DACH2: variants seen among roughly 807,000 people sequenced by gnomAD.
The protein encoded by DACH2 is dachshund homolog 2.
In DACH2, 17 loss-of-function variants were observed where a neutral mutation model predicts 35.8. The observed-to-expected ratio is 0.48, with a 90% confidence interval of 0.33 to 0.71. The LOEUF is 0.71. Among genes scored for constraint, DACH2 ranks in the 30% least tolerant of loss-of-function variants. The probability of loss-of-function intolerance (pLI) is 0.02; values close to 1 mark genes in which losing one functional copy is unlikely to be tolerated. For missense variants in DACH2, 469 were observed against 472.7 expected (o/e 0.99, Z 0.07); for synonymous variants, 195 against 177.3 (o/e 1.10, Z -0.79).
chrX:86,744,029 T>C (rs2041685269), intron 7 of DACH2, among the ~76,000 whole-genome samples: 1 of 111,356 alleles, frequency 9.0e-6, no homozygotes, highest in South Asian at 3.7e-4. Flanking sequence ...ACCCCATAAG[T>C]CAAAATGGCA....
At chrX:86,279,240 C>T (rs1439290179) in intron 1 of DACH2, among the ~76,000 whole-genome samples, 1 of 111,955 alleles carries the variant, frequency 8.9e-6, no homozygotes, top group Non-Finnish European at 1.9e-5. Flanking sequence ...CCCTGTGCCT[C>T]CTGACAGGGA....
intron 2 of DACH2, among the ~76,000 whole-genome samples, chrX:86,494,067 TG>T (rs141872853): frequency 1.6e-3 from 181 of 111,870 alleles, no homozygotes; most frequent in Non-Finnish European, 2.9e-3. Context: ...GTGTCCTAAA[TG>T]GAGAGAGTAC....
intron 11 of DACH2, among the ~76,000 whole-genome samples, chrX:86,822,345 G>T (rs1157541553): frequency 9.0e-6 from 1 of 111,506 alleles, no homozygotes; most frequent in Non-Finnish European, 1.9e-5. Context: ...ACCTAAAATT[G>T]GAATAGTGAA....
At chrX:86,756,312 T>C (rs1156229518) in intron 7 of DACH2, among the ~76,000 whole-genome samples, 1 of 111,374 alleles carries the variant, frequency 9.0e-6, no homozygotes, top group Non-Finnish European at 1.9e-5. Context: ...ATTGAATCTG[T>C]AGATTGCTTT....
intron 3 of DACH2, among the ~76,000 whole-genome samples, chrX:86,549,293 T>C (rs1433058732): frequency 1.8e-5 from 2 of 111,418 alleles, no homozygotes; most frequent in African/African-American, 6.5e-5. Context: ...AATAATATGA[T>C]ACATGTTTAA....
chrX:86,703,420 G>C lies in DACH2; in HGVS notation c.931+8241G>C, dbSNP rs1433941119. Among the ~76,000 whole-genome samples, 7 of 111,107 alleles carry C rather than the reference G, an allele frequency of 6.3e-5. No homozygotes were observed. In the Admixed American group the frequency reaches 6.7e-4, roughly 11 times the overall value. On this transcript the variant is annotated intron_variant, in intron 5 of 11. Coordinates refer to ENST00000373125, the MANE Select transcript of DACH2 (RefSeq NM_053281.3). ...AACATAGTATTGGAAGTCCTAGCCA[G>C]AACAATCAGGCAAGAGAAAGAAAGA...
At chrX:86,513,847 T>G (rs2038429186) in intron 2 of DACH2, among the ~76,000 whole-genome samples, 1 of 112,201 alleles carries the variant, frequency 8.9e-6, no homozygotes, top group African/African-American at 3.2e-5. Context: ...CTCTCAGCTC[T>G]TTACTATTCA....
At chrX:86,376,942 A>T in intron 2 of DACH2, 80 bp downstream of exon 2, 3 of 471,327 alleles carry the variant, frequency 6.4e-6, no homozygotes, top group East Asian at 7.8e-5. Context: ...CACTTTCATA[A>T]TCTTGTTCCC....
intron 4 of DACH2, among the ~76,000 whole-genome samples, chrX:86,664,965 C>G (rs934748697): frequency 9.0e-6 from 1 of 111,720 alleles, no homozygotes; most frequent in African/African-American, 3.3e-5. Flanking sequence ...GTAAAGATGA[C>G]AAGACCAAAG....
intron 7 of DACH2, among the ~76,000 whole-genome samples, chrX:86,805,780 T>G (rs1312163030): frequency 8.9e-6 from 1 of 111,809 alleles, no homozygotes; most frequent in Non-Finnish European, 1.9e-5. Flanking sequence ...GTTCCACAGA[T>G]CCCTAGAGCA....
At chrX:86,802,361 C>G (rs1402492981) in intron 7 of DACH2, among the ~76,000 whole-genome samples, 1 of 110,320 alleles carries the variant, frequency 9.1e-6, no homozygotes, top group South Asian at 3.9e-4. Context: ...GATGAATAAC[C>G]TGCTCCCTTC....
chrX:86,247,876 G>C (rs1255596107), intron 1 of DACH2, among the ~76,000 whole-genome samples: 1 of 111,246 alleles, frequency 9.0e-6, no homozygotes, highest in Non-Finnish European at 1.9e-5. Context: ...AGGATGCAAG[G>C]TTGGCTCAAC....
chrX:86,816,402 C>A (rs902467203), intron 11 of DACH2, among the ~76,000 whole-genome samples: 1 of 111,545 alleles, frequency 9.0e-6, no homozygotes, highest in Admixed American at 9.6e-5. Context: ...CAGGCATATT[C>A]TAAAAATGCA....
chrX:86,338,043 C>T (rs1001947906), intron 1 of DACH2, among the ~76,000 whole-genome samples: 3 of 111,806 alleles, frequency 2.7e-5, no homozygotes, highest in South Asian at 7.4e-4. Flanking sequence ...GCACCCAATA[C>T]GGGAGCACTC....
In DACH2 at chrX:86,545,092, G is replaced by A. The variant is rs748405044; in HGVS notation, c.640+30701G>A. Among the ~76,000 whole-genome samples the A allele has an allele frequency of 9.8e-5, 11 of 112,036 alleles. No homozygotes were observed. In the South Asian group the frequency reaches 1.1e-3, roughly 11 times the overall value. ...TTACAGGCATGAGCCACCATGCATCGCCTTGCATGAGTATTTTCATTGCAG... is the reference window on the plus strand; with the variant it reads ...TTACAGGCATGAGCCACCATGCATCACCTTGCATGAGTATTTTCATTGCAG... On this transcript the variant is annotated intron_variant, in intron 3 of 11. Coordinates refer to ENST00000373125, the MANE Select transcript of DACH2 (RefSeq NM_053281.3).
At chrX:86,620,941 T>C (rs187346087) in intron 3 of DACH2, among the ~76,000 whole-genome samples, 261 of 111,801 alleles carry the variant, frequency 2.3e-3, no homozygotes, top group Non-Finnish European at 4.2e-3. Context: ...ACATCCCTCT[T>C]TTTAGAAGCT....
intron 2 of DACH2, among the ~76,000 whole-genome samples, chrX:86,400,284 A>G (rs1156425516): frequency 9.1e-6 from 1 of 110,204 alleles, no homozygotes; most frequent in African/African-American, 3.3e-5. Context: ...CCATTCGTCT[A>G]GTTTTTTTTT....
intron 4 of DACH2, among the ~76,000 whole-genome samples, chrX:86,682,668 A>T (rs2148434200): frequency 8.9e-6 from 1 of 111,874 alleles, no homozygotes; most frequent in South Asian, 3.7e-4. Context: ...TGATATCATC[A>T]GCAGTAATTC....
chrX:86,491,069 A>C (rs1444749528), intron 2 of DACH2, among the ~76,000 whole-genome samples: 1 of 111,685 alleles, frequency 9.0e-6, no homozygotes, highest in Non-Finnish European at 1.9e-5. Flanking sequence ...TATCAGAAAT[A>C]ATTTCCAAGT....
Sources: gnomAD v4.1 joint callset for allele counts (sites outside exome capture counted in the v4.1 genomes callset) on GRCh38, gnomAD v4.1.1 for gene constraint, MANE v1.5 for transcripts, NCBI Gene and HGNC (gene_info 2026-07-23, HGNC 2026-07-21) for gene names.